GLMN: variants seen among roughly 807,000 people sequenced by gnomAD.
The protein encoded by GLMN is glomulin.
GLMN carries 75 observed loss-of-function variants against 87.8 expected under a neutral mutation model. The observed-to-expected ratio is 0.85, with a 90% confidence interval of 0.71 to 1.04. GLMN has a LOEUF of 1.04. Ranked by LOEUF, GLMN falls within the 50% of genes least tolerant of loss-of-function variation. The pLI, the probability that GLMN is intolerant of heterozygous loss-of-function variation, is 0.00. For synonymous variants in GLMN, 206 were observed against 221.6 expected (o/e 0.93, Z 0.63); for missense variants, 588 against 658.8 (o/e 0.89, Z 1.18).
At chr1:92,345,463 G>A in the GLMN span, among the ~76,000 whole-genome samples, 3 of 150,950 alleles carry the variant, frequency 2.0e-5, no homozygotes, top group Non-Finnish European at 4.4e-5. Context: ...GACAGAGGGA[G>A]GGAGGGAAAG....
chr1:92,349,975 C>A, the GLMN span, among the ~76,000 whole-genome samples: 1 of 152,050 alleles, frequency 6.6e-6, no homozygotes. Flanking sequence ...TCAATGTATA[C>A]TGATGGAAAT....
At chr1:92,336,579 T>C in the GLMN span, 2 of 590,128 alleles carry the variant, frequency 3.4e-6, no homozygotes, top group East Asian at 5.9e-5. Flanking sequence ...TAAACAACAT[T>C]ATTTCTCTCT....
At chr1:92,325,756 T>G in the GLMN span, among the ~76,000 whole-genome samples, 1 of 152,108 alleles carries the variant, frequency 6.6e-6, no homozygotes, top group East Asian at 1.9e-4. Flanking sequence ...CTTTCCAAAA[T>G]TAATATTATA....
At chr1:92,297,936 T>TA (rs1170307563) in intron 2 of GLMN, 25 bp downstream of exon 2, 1 of 1,111,840 alleles carries the variant, frequency 9.0e-7, no homozygotes, top group Admixed American at 1.7e-5. Flanking sequence ...GAAAGGTATT[T>TA]AATTTTACAA....
At chr1:92,362,663 G>A in the GLMN span, among the ~76,000 whole-genome samples, 1 of 152,132 alleles carries the variant, frequency 6.6e-6, no homozygotes, top group Non-Finnish European at 1.5e-5. Context: ...CAATTTTTGT[G>A]GTGGTGAAAA....
the GLMN span, among the ~76,000 whole-genome samples, chr1:92,319,389 A>G: frequency 6.6e-6 from 1 of 152,150 alleles, no homozygotes; most frequent in Non-Finnish European, 1.5e-5. Context: ...TATCTATAAC[A>G]TGGGGATAAT....
upstream of GLMN, chr1:92,300,376 G>C: frequency 1.5e-6 from 1 of 684,604 alleles, no homozygotes; most frequent in Non-Finnish European, 2.5e-6. Flanking sequence ...ATCTGGGAAG[G>C]CCTATAAATT....
chr1:92,300,334 T>TAG, upstream of GLMN: 2 of 927,166 alleles, frequency 2.2e-6, no homozygotes, highest in Non-Finnish European at 1.7e-6. Context: ...TTTTTTTTTT[T>TAG]AGAGAAAATT....
At chr1:92,262,084 A>G (rs1282306416) in intron 16 of GLMN, among the ~76,000 whole-genome samples, 1 of 152,222 alleles carries the variant, frequency 6.6e-6, no homozygotes, top group African/African-American at 2.4e-5. Flanking sequence ...TAGATCTGTC[A>G]GGAAGGAAAG....
chr1:92,249,027 TAACTC>T (rs544813500), intron 16 of GLMN, among the ~76,000 whole-genome samples: 66 of 152,224 alleles, frequency 4.3e-4, no homozygotes, highest in South Asian at 1.7e-3. Context: ...AGAATTAAAA[TAACTC>T]AACAGGAGAT....
chr1:92,309,034 T>C, the GLMN span, among the ~76,000 whole-genome samples: 1 of 152,198 alleles, frequency 6.6e-6, no homozygotes, highest in Non-Finnish European at 1.5e-5. Flanking sequence ...CACCATCCTC[T>C]ATTCAGAATG....
At chr1:92,370,832 A>G in the GLMN span, among the ~76,000 whole-genome samples, 2 of 152,118 alleles carry the variant, frequency 1.3e-5, no homozygotes, top group Admixed American at 6.6e-5. Flanking sequence ...ATTCTCATTT[A>G]CCTAAAAAAA....
intron 7 of GLMN, among the ~76,000 whole-genome samples, chr1:92,277,638 A>G (rs557617994): frequency 1.2e-4 from 18 of 152,300 alleles, no homozygotes; most frequent in African/African-American, 4.1e-4. Context: ...TCATTCCTAC[A>G]TAATGAAGCC....
the GLMN span, chr1:92,333,469 A>G: frequency 1.2e-6 from 2 of 1,609,300 alleles, no homozygotes; most frequent in Non-Finnish European, 1.7e-6. Flanking sequence ...AAAGTTGAGT[A>G]AAGTGTAAGT....
At position 92,297,402 on chromosome 1, in the gene GLMN, A is replaced by C. The variant is rs1262773514; in HGVS notation, c.165+2T>G. Reference sequence around the variant, plus strand: ...AAAAGTAAACACCAAGATTGTACGCACCTTATTCTTTTCATTTTGAATAAT... The same window carrying C: ...AAAAGTAAACACCAAGATTGTACGCCCCTTATTCTTTTCATTTTGAATAAT... On this transcript the variant is annotated splice_donor_variant, in intron 3 of 18. Transcript: ENST00000370360. LOFTEE classifies it high-confidence loss of function. The C allele has an allele frequency of 6.2e-7, 1 of 1,609,890 alleles. No homozygotes were observed. Among genetic ancestry groups the C allele is most frequent in the Non-Finnish European group, 8.5e-7 (1 of 1,177,534 alleles).
the GLMN span, among the ~76,000 whole-genome samples, chr1:92,322,487 T>A: frequency 6.6e-6 from 1 of 151,330 alleles, no homozygotes; most frequent in Non-Finnish European, 1.5e-5. Context: ...GAGGTTGCAG[T>A]GAACCGAGAT....
At chr1:92,268,064 AT>A in intron 10 of GLMN, 40 bp downstream of exon 10, 2 of 1,398,246 alleles carry the variant, frequency 1.4e-6, no homozygotes, top group Non-Finnish European at 2.0e-6. Flanking sequence ...ATTTGTTGAC[AT>A]AACTATGTAT....
intron 13 of GLMN, 82 bp from the exon 14 acceptor site, chr1:92,264,720 A>G (rs555958040): frequency 4.5e-5 from 36 of 800,278 alleles, no homozygotes; most frequent in Non-Finnish European, 8.0e-5. Context: ...TACAAATTCA[A>G]AGAGGCCATG....
At chr1:92,273,346 T>G (rs1429347863) in intron 7 of GLMN, among the ~76,000 whole-genome samples, 1 of 152,180 alleles carries the variant, frequency 6.6e-6, no homozygotes, top group Non-Finnish European at 1.5e-5. Flanking sequence ...GACAAAAAGT[T>G]TATTGCACTC....
Sources: allele counts gnomAD v4.1 joint callset (sites outside exome capture counted in the v4.1 genomes callset), GRCh38; gene constraint gnomAD v4.1.1; transcripts MANE v1.5; gene names NCBI Gene and HGNC (gene_info 2026-07-23, HGNC 2026-07-21).